HS6ST3: variants seen among roughly 807,000 people sequenced by gnomAD.
HS6ST3 encodes the protein heparan sulfate 6-O-sulfotransferase 3.
In HS6ST3, 12 loss-of-function variants were observed where a neutral mutation model predicts 36.7. The ratio of observed to expected loss-of-function variants is 0.33; its 90% CI spans 0.21 to 0.53. The LOEUF (loss-of-function observed/expected upper bound fraction) is 0.53. Ranked by LOEUF, HS6ST3 falls within the 20% of genes least tolerant of loss-of-function variation. The pLI, the probability that HS6ST3 is intolerant of heterozygous loss-of-function variation, is 0.95. For synonymous variants in HS6ST3, 240 were observed against 257.5 expected, an observed-to-expected ratio of 0.93 and a Z score of 0.65; for missense variants, 584 against 640.9, an observed-to-expected ratio of 0.91 and a Z score of 0.96.
intron 1 of HS6ST3, among the ~76,000 whole-genome samples, chr13:96,495,055 C>T (rs1433667917): frequency 6.6e-6 from 1 of 152,168 alleles, no homozygotes; most frequent in African/African-American, 2.4e-5. Flanking sequence ...CTTTTCCTCT[C>T]TTATTCTGTC....
intron 1 of HS6ST3, among the ~76,000 whole-genome samples, chr13:96,711,662 A>G (rs916106931): frequency 6.6e-6 from 1 of 152,106 alleles, no homozygotes; most frequent in African/African-American, 2.4e-5. Flanking sequence ...TTATCAAACC[A>G]CCATCCAAAG....
intron 1 of HS6ST3, among the ~76,000 whole-genome samples, chr13:96,804,006 A>T (rs1018478668): frequency 3.9e-5 from 6 of 152,118 alleles, no homozygotes; most frequent in Non-Finnish European, 5.9e-5. Context: ...TTTCGGTCCC[A>T]TCTCTCCTTC....
intron 1 of HS6ST3, among the ~76,000 whole-genome samples, chr13:96,227,463 A>G (rs1274561174): frequency 6.6e-6 from 1 of 152,226 alleles, no homozygotes; most frequent in Non-Finnish European, 1.5e-5. Context: ...TTCAAGTTCT[A>G]CATCTCCCGT....
chr13:96,105,110 A>G (rs573488293), intron 1 of HS6ST3, among the ~76,000 whole-genome samples: 13 of 151,784 alleles, frequency 8.6e-5, no homozygotes, highest in African/African-American at 2.2e-4. Context: ...TGCAGAAGCC[A>G]GTGATCAGAG....
intron 1 of HS6ST3, among the ~76,000 whole-genome samples, chr13:96,466,045 G>C (rs930110441): frequency 1.3e-5 from 2 of 152,122 alleles, no homozygotes; most frequent in Non-Finnish European, 2.9e-5. Flanking sequence ...CGCTTTAGGA[G>C]GCTGAGGCGG....
At chr13:96,346,552 G>A (rs2055155981) in intron 1 of HS6ST3, among the ~76,000 whole-genome samples, 1 of 149,206 alleles carries the variant, frequency 6.7e-6, no homozygotes, top group Admixed American at 6.7e-5. Context: ...TGCAGCCTGG[G>A]CGACAGAGAG....
intron 1 of HS6ST3, among the ~76,000 whole-genome samples, chr13:96,325,157 G>A (rs1308311489): frequency 6.6e-6 from 1 of 152,044 alleles, no homozygotes; most frequent in Non-Finnish European, 1.5e-5. Flanking sequence ...AATTGAGAGG[G>A]CTGACTTTAC....
chr13:96,540,734 G>A (rs990733372), intron 1 of HS6ST3, among the ~76,000 whole-genome samples: 5 of 152,194 alleles, frequency 3.3e-5, no homozygotes, highest in Non-Finnish European at 7.4e-5. Context: ...TAAAGGAATC[G>A]CTTCTCTTTG....
chr13:96,138,406 ATATT>A (rs1236226018), intron 1 of HS6ST3, among the ~76,000 whole-genome samples: 5 of 46,602 alleles, frequency 1.1e-4, no homozygotes, highest in African/African-American at 2.3e-4. Flanking sequence ...TTATAAATAT[ATATT>A]TACAGTTTAT....
Position 96,131,903 on chromosome 13 carries a change from A to AT in HS6ST3, c.707+40335dup, listed in dbSNP as rs1418477464. 2.0e-5 allele frequency among the ~76,000 whole-genome samples: 3 copies of AT among 151,628 alleles called. No homozygotes were observed. In the East Asian group the frequency reaches 5.8e-4, roughly 29 times the overall value. On this transcript the variant is annotated intron_variant, in intron 1 of 1. Transcript: ENST00000376705. ...CACTAAGCCTTATATCATGGAAAAG[A>AT]TAAAAAAAAAGGTAAAAACTTTTAT...
chr13:96,397,776 A>G (rs1354340955), intron 1 of HS6ST3, among the ~76,000 whole-genome samples: 1 of 152,228 alleles, frequency 6.6e-6, no homozygotes, highest in East Asian at 1.9e-4. Context: ...ACAGAACAGC[A>G]ACGATATGGC....
Position 96,832,584 on chromosome 13 carries a change from C to T in HS6ST3, c.802C>T (p.Leu268Phe), listed in dbSNP as rs748546537. The change falls in exon 2 of 2, where the codon CTT (leucine) becomes TTT (phenylalanine). Residue 268 changes from leucine (L) to phenylalanine (F), a missense_variant. Transcript: ENST00000376705. ...VQRGATWKTSLHMCDGRSPTP... is the reference protein window; with the variant it reads ...VQRGATWKTSFHMCDGRSPTP... ...GAGAGGGGCCACTTGGAAAACCTCT[C>T]TTCATATGTGTGATGGAAGAAGCCC... 1.9e-6 allele frequency: 3 copies of T among 1,614,090 alleles called. No homozygotes were observed. The highest frequency in any genetic ancestry group is 2.5e-6 in the Non-Finnish European group (3 of 1,179,980).
intron 1 of HS6ST3, among the ~76,000 whole-genome samples, chr13:96,500,665 TG>T (rs1194447247): frequency 1.3e-5 from 2 of 152,308 alleles, no homozygotes; most frequent in Non-Finnish European, 2.9e-5. Flanking sequence ...CTGCTTAGGA[TG>T]AGCCATCACA....
chr13:96,271,372 T>G (rs940687386), intron 1 of HS6ST3, among the ~76,000 whole-genome samples: 9 of 151,968 alleles, frequency 5.9e-5, no homozygotes, highest in Non-Finnish European at 1.2e-4. Context: ...ATATGACTAT[T>G]TAATGACCGG....
At chr13:96,461,625 C>T (rs1448150444) in intron 1 of HS6ST3, among the ~76,000 whole-genome samples, 1 of 152,150 alleles carries the variant, frequency 6.6e-6, no homozygotes, top group Non-Finnish European at 1.5e-5. Flanking sequence ...TCTGAAGAGG[C>T]CAAAACTTAA....
chr13:96,767,135 C>T (rs373589410), intron 1 of HS6ST3, among the ~76,000 whole-genome samples: 35 of 152,328 alleles, frequency 2.3e-4, no homozygotes, highest in African/African-American at 7.9e-4. Flanking sequence ...CATCAAAATC[C>T]TATCCGTGAT....
intron 1 of HS6ST3, among the ~76,000 whole-genome samples, chr13:96,596,696 G>T (rs909141767): frequency 1.3e-5 from 2 of 152,072 alleles, no homozygotes; most frequent in African/African-American, 4.8e-5. Context: ...ATGATGGCAA[G>T]GTTGTGGAGA....
chr13:96,166,586 T>C (rs1436425278), intron 1 of HS6ST3, among the ~76,000 whole-genome samples: 1 of 149,910 alleles, frequency 6.7e-6, no homozygotes, highest in Non-Finnish European at 1.5e-5. Flanking sequence ...TTTTTTTTTT[T>C]TTTTTTGTAG....
chr13:96,437,666 A>T (rs2055649777), intron 1 of HS6ST3, among the ~76,000 whole-genome samples: 1 of 152,222 alleles, frequency 6.6e-6, no homozygotes, highest in African/African-American at 2.4e-5. Flanking sequence ...AATGAGGGGG[A>T]CATTTGAATA....
Sources: allele counts gnomAD v4.1 joint callset (sites outside exome capture counted in the v4.1 genomes callset), GRCh38; gene constraint gnomAD v4.1.1; transcripts MANE v1.5; gene names NCBI Gene and HGNC (gene_info 2026-07-23, HGNC 2026-07-21).